Variants in KCNIP1 observed in about 807,000 individuals in gnomAD.
KCNIP1 encodes potassium voltage-gated channel interacting protein 1.
A neutral mutation model predicts 33.0 loss-of-function variants in KCNIP1; 18 were observed. The observed-to-expected ratio is 0.55, with a 90% confidence interval of 0.38 to 0.81. KCNIP1 has a LOEUF of 0.81. KCNIP1 is among the 30% of genes least tolerant of loss of function. The pLI is 0.00. For synonymous variants in KCNIP1, 93 were observed against 98.3 expected, an observed-to-expected ratio of 0.95 and a Z score of 0.32; for missense variants, 238 against 271.6, an observed-to-expected ratio of 0.88 and a Z score of 0.87.
intron 1 of KCNIP1, among the ~76,000 whole-genome samples, chr5:170,401,451 A>G (rs527416188): frequency 2.1e-4 from 32 of 152,274 alleles, no homozygotes; most frequent in Admixed American, 3.9e-4. Context: ...AAGGAGCATA[A>G]AAGGACTGAT....
intron 1 of KCNIP1, among the ~76,000 whole-genome samples, chr5:170,548,292 C>T (rs966911988): frequency 6.6e-6 from 1 of 152,244 alleles, no homozygotes; most frequent in South Asian, 2.1e-4. Flanking sequence ...ATTCTAATAT[C>T]GGAAGCTTTA....
chr5:170,511,233 G>A (rs1754921738), intron 1 of KCNIP1, among the ~76,000 whole-genome samples: 1 of 152,164 alleles, frequency 6.6e-6, no homozygotes, highest in African/African-American at 2.4e-5. Flanking sequence ...TTAAAAAATG[G>A]GGACAATGAC....
intron 1 of KCNIP1, among the ~76,000 whole-genome samples, chr5:170,389,839 CT>C (rs1581141787): frequency 1.3e-5 from 2 of 152,200 alleles, no homozygotes; most frequent in South Asian, 4.1e-4. Flanking sequence ...CCTCAGTTTC[CT>C]TTTTTGTTTT....
chr5:170,366,309 A>T (rs1763658356), intron 1 of KCNIP1, among the ~76,000 whole-genome samples: 1 of 152,218 alleles, frequency 6.6e-6, no homozygotes, highest in Non-Finnish European at 1.5e-5. Flanking sequence ...GGCTCAACAG[A>T]GGAGGTGGAG....
At chr5:170,601,397 C>G (rs185165165) in intron 1 of KCNIP1, among the ~76,000 whole-genome samples, 1 of 152,344 alleles carries the variant, frequency 6.6e-6, no homozygotes, top group East Asian at 1.9e-4. Flanking sequence ...CATCCGGGAG[C>G]TGGACTAGAA....
intron 1 of KCNIP1, among the ~76,000 whole-genome samples, chr5:170,636,076 C>G (rs927749836): frequency 2.0e-5 from 3 of 152,188 alleles, no homozygotes; most frequent in Non-Finnish European, 2.9e-5. Context: ...GGAAGACAGA[C>G]CAGTTGGGAG....
At chr5:170,363,121 C>T (rs1034226367) in intron 1 of KCNIP1, among the ~76,000 whole-genome samples, 1 of 152,182 alleles carries the variant, frequency 6.6e-6, no homozygotes, top group African/African-American at 2.4e-5. Flanking sequence ...TCAGTCCAGC[C>T]CTGTCTCTGT....
chr5:170,664,917 TTGACTCCCGAACTAACTGAG>T (rs1046445941), intron 1 of KCNIP1, among the ~76,000 whole-genome samples: 3 of 152,136 alleles, frequency 2.0e-5, no homozygotes, highest in African/African-American at 7.2e-5. Flanking sequence ...TAAAATTTAG[TTGACTCCCGAACTAACTGAG>T]TGTCTCACTC....
At chr5:170,390,940 A>C (rs1204312064) in intron 1 of KCNIP1, among the ~76,000 whole-genome samples, 5 of 152,040 alleles carry the variant, frequency 3.3e-5, no homozygotes, top group African/African-American at 1.2e-4. Flanking sequence ...AAATGAAGGC[A>C]GCCACTCAGG....
intron 1 of KCNIP1, among the ~76,000 whole-genome samples, chr5:170,571,940 C>T (rs190691571): frequency 1.3e-5 from 2 of 152,226 alleles, no homozygotes; most frequent in African/African-American, 4.8e-5. Context: ...CTTTCATTTC[C>T]TCACATTTAA....
At chr5:170,419,306 G>A (rs1476559609) in intron 1 of KCNIP1, among the ~76,000 whole-genome samples, 2 of 152,148 alleles carry the variant, frequency 1.3e-5, no homozygotes, top group Non-Finnish European at 2.9e-5. Context: ...CATCAGCAGG[G>A]GAGGAAGTAA....
chr5:170,520,565 C>T (rs1253053964), intron 1 of KCNIP1, among the ~76,000 whole-genome samples: 1 of 149,998 alleles, frequency 6.7e-6, no homozygotes, highest in East Asian at 2.0e-4. Context: ...TCTCTTCCTC[C>T]TTTTCTTGGC....
At chr5:170,625,195 C>T (rs1263706929) in intron 1 of KCNIP1, among the ~76,000 whole-genome samples, 2 of 152,168 alleles carry the variant, frequency 1.3e-5, no homozygotes, top group African/African-American at 4.8e-5. Context: ...TCAGAGCCCA[C>T]GTGGCCGCAG....
intron 1 of KCNIP1, among the ~76,000 whole-genome samples, chr5:170,523,066 A>G (rs1175446999): frequency 6.6e-6 from 1 of 152,160 alleles, no homozygotes; most frequent in African/African-American, 2.4e-5. Flanking sequence ...TTTTCTCTCT[A>G]GGTCATAAAT....
intron 1 of KCNIP1, among the ~76,000 whole-genome samples, chr5:170,537,699 T>C (rs1196034781): frequency 6.6e-6 from 1 of 152,220 alleles, no homozygotes; most frequent in Non-Finnish European, 1.5e-5. Context: ...CTGAGGGTTA[T>C]AGGGCATGGC....
chr5:170,623,328 C>T (rs1759682792), intron 1 of KCNIP1, among the ~76,000 whole-genome samples: 1 of 152,132 alleles, frequency 6.6e-6, no homozygotes, highest in Admixed American at 6.5e-5. Flanking sequence ...TCTCCTCCCT[C>T]AGCCTCCCAA....
intron 1 of KCNIP1, among the ~76,000 whole-genome samples, chr5:170,463,584 T>G (rs1581215686): frequency 6.6e-6 from 1 of 152,136 alleles, no homozygotes; most frequent in South Asian, 2.1e-4. Flanking sequence ...GATCATCTTA[T>G]TAGACACAGA....
intron 1 of KCNIP1, among the ~76,000 whole-genome samples, chr5:170,423,536 G>C (rs1755543516): frequency 6.6e-6 from 1 of 152,088 alleles, no homozygotes; most frequent in African/African-American, 2.4e-5. Context: ...GATCTTCTTA[G>C]CATCTCCCAT....
chr5:170,563,809 T>C (rs1210700449), intron 1 of KCNIP1, among the ~76,000 whole-genome samples: 1 of 152,032 alleles, frequency 6.6e-6, no homozygotes, highest in African/African-American at 2.4e-5. Context: ...CCTGGCTAAT[T>C]TTGTATTTTT....
Sources: allele counts gnomAD v4.1 joint callset (sites outside exome capture counted in the v4.1 genomes callset), GRCh38; gene constraint gnomAD v4.1.1; transcripts MANE v1.5; gene names NCBI Gene and HGNC (gene_info 2026-07-23, HGNC 2026-07-21).